SLC35F4: variants seen among roughly 807,000 people sequenced by gnomAD.
The protein encoded by SLC35F4 is chromosome 14 open reading frame 36.
In SLC35F4, 24 loss-of-function variants were observed where a neutral mutation model predicts 44.2. That is an observed-to-expected ratio of 0.54 (90% confidence interval 0.39 to 0.76). SLC35F4 has a LOEUF of 0.76. Among genes scored for constraint, SLC35F4 ranks in the 30% least tolerant of loss-of-function variants. SLC35F4 has a pLI of 0.00. For missense variants in SLC35F4, 562 were observed against 586.1 expected (o/e 0.96, Z 0.42); for synonymous variants, 238 against 223.6 (o/e 1.06, Z -0.57).
intron 1 of SLC35F4, among the ~76,000 whole-genome samples, chr14:57,934,834 C>G (rs1274873175): frequency 6.6e-6 from 1 of 152,130 alleles, no homozygotes; most frequent in South Asian, 2.1e-4. Context: ...TTTTTCTTCT[C>G]TGACTTCAAA....
chr14:57,946,584 C>T (rs1890035976), intron 1 of SLC35F4, among the ~76,000 whole-genome samples: 1 of 149,606 alleles, frequency 6.7e-6, no homozygotes, highest in Admixed American at 6.7e-5. Context: ...AAATTATTCT[C>T]CTGGCTCAGC....
intron 4 of SLC35F4, chr14:57,580,635 G>A (rs2069178730): frequency 4.7e-6 from 1 of 212,242 alleles, no homozygotes; most frequent in Non-Finnish European, 9.8e-6. Flanking sequence ...GTTGGTGGAA[G>A]TTTAATGCAG....
Position 57,564,350 on chromosome 14 carries a change from T to G in SLC35F4, c.1243A>C (p.Ile415Leu), listed in dbSNP as rs753042365. 6.2e-7 allele frequency: 1 copy of G among 1,608,884 alleles called. No individual in the cohort carries two copies. Among genetic ancestry groups the G allele is most frequent in the Non-Finnish European group, 8.5e-7 (1 of 1,177,654 alleles). ...AAVDLLKQEV[I>L]FNVVRLAATI... Reference sequence around the variant, plus strand: ...GCAGCCAGGCGGACAACATTGAATATCACCTCCTGCTTTAGGAGATCCACA... The same window carrying G: ...GCAGCCAGGCGGACAACATTGAATAGCACCTCCTGCTTTAGGAGATCCACA... Residue 415 changes from isoleucine (I) to leucine (L), a missense_variant, in exon 8 of 8, where the codon ATA becomes CTA. By Grantham distance (5) the Ile-to-Leu change is conservative. Coordinates refer to ENST00000556826, the MANE Select transcript of SLC35F4 (RefSeq NM_001306087.2).
intron 1 of SLC35F4, among the ~76,000 whole-genome samples, chr14:57,941,916 C>A (rs1441617951): frequency 6.6e-6 from 1 of 152,156 alleles, no homozygotes; most frequent in Non-Finnish European, 1.5e-5. Flanking sequence ...CATTTTGTGG[C>A]TGGCAGACAC....
At position 57,798,104 on chromosome 14, in the gene SLC35F4, GCCCACAGA is replaced by G. The variant is rs1442688642; in HGVS notation, c.103+67611_103+67618del. On this transcript the variant is annotated intron_variant, in intron 1 of 7. Coordinates refer to ENST00000556826, the MANE Select transcript of SLC35F4 (RefSeq NM_001306087.2). The stretch of plus-strand genomic sequence containing the variant: ...GCTGAGCCTAGGTAAACTTCACACA[GCCCACAGA>G]CCCACGAGCAAAAAAAAAAAAAAAA... 1.1e-4 allele frequency among the ~76,000 whole-genome samples: 12 copies of G among 105,654 alleles called. No homozygotes were observed. In the East Asian group the frequency reaches 3.8e-3, roughly 34 times the overall value. 69.3% of individuals were successfully genotyped at this position (105,654 alleles called of 152,430 possible).
intron 1 of SLC35F4, among the ~76,000 whole-genome samples, chr14:57,633,350 C>T (rs925620997): frequency 2.0e-5 from 3 of 152,090 alleles, no homozygotes; most frequent in African/African-American, 7.2e-5. Context: ...ATTTCCACTA[C>T]AATAATTAAG....
intron 1 of SLC35F4, among the ~76,000 whole-genome samples, chr14:57,692,602 G>A (rs2075268343): frequency 6.6e-6 from 1 of 151,904 alleles, no homozygotes; most frequent in Non-Finnish European, 1.5e-5. Context: ...TATTGTGGAT[G>A]GCACTTAAAT....
intron 1 of SLC35F4, among the ~76,000 whole-genome samples, chr14:57,725,264 C>T (rs892904208): frequency 6.6e-6 from 1 of 152,168 alleles, no homozygotes; most frequent in Non-Finnish European, 1.5e-5. Flanking sequence ...CATGGACTTC[C>T]ACTCACCAAG....
intron 2 of SLC35F4, among the ~76,000 whole-genome samples, chr14:57,593,355 G>T (rs1030965500): frequency 6.6e-6 from 1 of 152,172 alleles, no homozygotes; most frequent in African/African-American, 2.4e-5. Flanking sequence ...ACAGTTACAA[G>T]ATTTATCTAG....
rs1046571265 is a variant in SLC35F4, at chr14:57,571,977, C to A, written c.850G>T (p.Ala284Ser). Residue 284 changes from alanine to serine, a missense_variant, in exon 5 of 8, where the codon GCA becomes TCA. By Grantham distance (99) the Ala-to-Ser change is moderately conservative. Coordinates refer to ENST00000556826, the MANE Select transcript of SLC35F4 (RefSeq NM_001306087.2). ...IMAITGIVMM[A>S]YADNFHADSI... ...TCAGCGTGGAAATTATCTGCATATGCCATCATGACAATGCCGGTAATTGCC... is the reference window on the plus strand; with the variant it reads ...TCAGCGTGGAAATTATCTGCATATGACATCATGACAATGCCGGTAATTGCC... The A allele has an allele frequency of 3.7e-6, 6 of 1,611,786 alleles. No individual in the cohort carries two copies. Among genetic ancestry groups the A allele is most frequent in the Non-Finnish European group, 5.1e-6 (6 of 1,178,918 alleles).
chr14:57,708,870 CA>C (rs1161115044), intron 1 of SLC35F4, among the ~76,000 whole-genome samples: 1 of 152,110 alleles, frequency 6.6e-6, no homozygotes, highest in Non-Finnish European at 1.5e-5. Context: ...GTCCACTGGA[CA>C]GGGGGCCCTT....
chr14:57,749,570 G>C (rs913967421), intron 1 of SLC35F4, among the ~76,000 whole-genome samples: 3 of 152,102 alleles, frequency 2.0e-5, no homozygotes, highest in Non-Finnish European at 4.4e-5. Context: ...AAAGCACTAG[G>C]CTTTGCAGTT....
At chr14:57,661,494 T>C (rs898498153) in intron 1 of SLC35F4, among the ~76,000 whole-genome samples, 15 of 152,202 alleles carry the variant, frequency 9.9e-5, no homozygotes, top group Middle Eastern at 3.2e-3. Context: ...ATAAACCTTC[T>C]AATTTGGTCT....
At chr14:57,702,696 C>T (rs543928672) in intron 1 of SLC35F4, among the ~76,000 whole-genome samples, 2 of 152,294 alleles carry the variant, frequency 1.3e-5, no homozygotes, top group South Asian at 2.1e-4. Context: ...TCTAGGCCAG[C>T]AAATTACAGC....
chr14:57,783,544 C>T (rs998921988), intron 1 of SLC35F4, among the ~76,000 whole-genome samples: 3 of 152,148 alleles, frequency 2.0e-5, no homozygotes, highest in African/African-American at 7.2e-5. Context: ...AATAAAGTTG[C>T]TAACTCCAGA....
intron 1 of SLC35F4, among the ~76,000 whole-genome samples, chr14:57,926,729 G>GT (rs1021370541): frequency 1.4e-5 from 1 of 70,856 alleles, no homozygotes; most frequent in Non-Finnish European, 2.5e-5. Context: ...TAGGGTTGGG[G>GT]GGGGGGGGTG....
chr14:57,916,696 T>C (rs990648668), intron 1 of SLC35F4, among the ~76,000 whole-genome samples: 1 of 152,188 alleles, frequency 6.6e-6, no homozygotes, highest in Non-Finnish European at 1.5e-5. Context: ...TCTTTAATTT[T>C]CAGTTTTGGA....
intron 1 of SLC35F4, among the ~76,000 whole-genome samples, chr14:57,756,591 G>A (rs2076998815): frequency 6.6e-6 from 1 of 151,644 alleles, no homozygotes; most frequent in East Asian, 1.9e-4. Flanking sequence ...TATTGATTAG[G>A]TCAAGTTTGT....
At chr14:57,587,045 A>AG (rs1164210951) in intron 3 of SLC35F4, among the ~76,000 whole-genome samples, 1 of 152,232 alleles carries the variant, frequency 6.6e-6, no homozygotes, top group Non-Finnish European at 1.5e-5. Context: ...TGGTCATTAG[A>AG]GAAATGCAAA....
Sources: gnomAD v4.1 joint callset for allele counts (sites outside exome capture counted in the v4.1 genomes callset) on GRCh38, gnomAD v4.1.1 for gene constraint, MANE v1.5 for transcripts, NCBI Gene and HGNC (gene_info 2026-07-23, HGNC 2026-07-21) for gene names.